CADM2: variants seen among roughly 807,000 people sequenced by gnomAD.
CADM2 encodes the protein cell adhesion molecule 2.
A neutral mutation model predicts 49.8 loss-of-function variants in CADM2; 12 were observed. That is an observed-to-expected ratio of 0.24 (90% CI 0.15 to 0.39). The LOEUF is 0.39. Ranked by LOEUF, CADM2 falls within the 10% of genes least tolerant of loss-of-function variation. The pLI is 1.00. For synonymous variants in CADM2, 214 were observed against 175.4 expected (o/e 1.22, Z -1.74); for missense variants, 378 against 492.3 (o/e 0.77, Z 2.20).
At chr3:85,014,950 T>C (rs2034187721) in intron 1 of CADM2, among the ~76,000 whole-genome samples, 2 of 152,168 alleles carry the variant, frequency 1.3e-5, no homozygotes, top group African/African-American at 4.8e-5. Context: ...TTATGCCTAC[T>C]TTCTAGAAAG....
chr3:84,990,621 TAC>T (rs1208937252), intron 1 of CADM2, among the ~76,000 whole-genome samples: 5 of 152,206 alleles, frequency 3.3e-5, no homozygotes, highest in Admixed American at 3.3e-4. Context: ...TAAATTAAAA[TAC>T]ATTTTTATAA....
At chr3:86,054,227 A>G (rs1045708818) in intron 8 of CADM2, among the ~76,000 whole-genome samples, 1 of 152,088 alleles carries the variant, frequency 6.6e-6, no homozygotes, top group African/African-American at 2.4e-5. Flanking sequence ...ACATATATTC[A>G]TTATTGTAAC....
At chr3:85,817,014 A>C (rs189280569) in intron 3 of CADM2, among the ~76,000 whole-genome samples, 1 of 152,342 alleles carries the variant, frequency 6.6e-6, no homozygotes, top group Admixed American at 6.5e-5. Context: ...TTGTGTGAGC[A>C]TGAAAATTAC....
At chr3:85,938,794 C>A (rs1354278982) in intron 7 of CADM2, among the ~76,000 whole-genome samples, 1 of 151,802 alleles carries the variant, frequency 6.6e-6, no homozygotes, top group Non-Finnish European at 1.5e-5. Context: ...TATAAGTAAG[C>A]ACTTAATTTT....
chr3:85,958,483 A>G (rs1289747017), intron 7 of CADM2, among the ~76,000 whole-genome samples: 1 of 151,962 alleles, frequency 6.6e-6, no homozygotes, highest in East Asian at 1.9e-4. Context: ...TTCTAATATA[A>G]AGACACAAAT....
intron 1 of CADM2, among the ~76,000 whole-genome samples, chr3:85,523,612 C>T (rs964162113): frequency 6.6e-6 from 1 of 151,898 alleles, no homozygotes; most frequent in African/African-American, 2.4e-5. Context: ...TCAATTACAA[C>T]AATCCTCAGT....
intron 8 of CADM2, among the ~76,000 whole-genome samples, chr3:86,023,689 C>T (rs1238835315): frequency 6.6e-6 from 1 of 152,080 alleles, no homozygotes; most frequent in African/African-American, 2.4e-5. Flanking sequence ...GAGAAGGATA[C>T]GTCTTTGCCT....
chr3:85,046,045 T>A (rs1286127642), intron 1 of CADM2, among the ~76,000 whole-genome samples: 2 of 152,102 alleles, frequency 1.3e-5, no homozygotes, highest in Non-Finnish European at 2.9e-5. Flanking sequence ...ATCTGCATTT[T>A]GATTGTATGT....
chr3:85,026,289 A>T (rs1255398442), intron 1 of CADM2, among the ~76,000 whole-genome samples: 5 of 152,190 alleles, frequency 3.3e-5, no homozygotes, highest in Non-Finnish European at 7.3e-5. Context: ...TTATATGTTC[A>T]AATTGTTACA....
chr3:85,508,348 C>G (rs2040450175), intron 1 of CADM2, among the ~76,000 whole-genome samples: 1 of 152,186 alleles, frequency 6.6e-6, no homozygotes, highest in Admixed American at 6.5e-5. Flanking sequence ...TTCCTGGTCT[C>G]TGTCTTATAC....
At chr3:85,943,176 G>C (rs865964678) in intron 7 of CADM2, among the ~76,000 whole-genome samples, 1 of 148,952 alleles carries the variant, frequency 6.7e-6, no homozygotes, top group Non-Finnish European at 1.5e-5. Context: ...ACTTTTTGAT[G>C]GGGTTGTTTG....
At chr3:85,477,243 AAC>A (rs139955724) in intron 1 of CADM2, among the ~76,000 whole-genome samples, 94 of 144,844 alleles carry the variant, frequency 6.5e-4, no homozygotes, top group South Asian at 5.8e-3. Flanking sequence ...GATTCCCTTA[AAC>A]ACACACACAC....
At chr3:85,104,977 C>T (rs565238699) in intron 1 of CADM2, among the ~76,000 whole-genome samples, 12 of 152,184 alleles carry the variant, frequency 7.9e-5, no homozygotes, top group African/African-American at 2.2e-4. Context: ...TGGGGTGAGA[C>T]GATGGGGTTT....
rs11425614 is a variant in CADM2, at chr3:85,890,692, C to CTT, written c.529+4374_529+4375dup. On this transcript the variant is annotated intron_variant, in intron 5 of 9. Coordinates refer to ENST00000383699, the MANE Select transcript of CADM2 (RefSeq NM_001167675.2). ...ATCAGTTCATGAAAAAAAAGAAAGACTTTTTTTTTTCTTTTTTTCATTACT... is the reference window on the plus strand; with the variant it reads ...ATCAGTTCATGAAAAAAAAGAAAGACTTTTTTTTTTTTCTTTTTTTCATTACT... Among the ~76,000 whole-genome samples, 30 of 149,634 alleles carry CTT rather than the reference C, an allele frequency of 2.0e-4. 1 individual carries two copies. The highest frequency in any genetic ancestry group is 6.4e-4 in the South Asian group (3 of 4,700).
At chr3:85,757,451 A>C (rs1004189697) in intron 2 of CADM2, among the ~76,000 whole-genome samples, 21 of 152,144 alleles carry the variant, frequency 1.4e-4, no homozygotes, top group Non-Finnish European at 1.5e-5. Context: ...TAACCTGGTC[A>C]CAGAAATAGA....
intron 1 of CADM2, among the ~76,000 whole-genome samples, chr3:85,672,926 G>C (rs2065783665): frequency 6.6e-6 from 1 of 152,228 alleles, no homozygotes; most frequent in Admixed American, 6.5e-5. Flanking sequence ...AGCAGAATGA[G>C]TGTAGAGTGA....
chr3:85,359,647 TA>T lies in CADM2; in HGVS notation c.62-366874del, dbSNP rs1183326356. On this transcript the variant is annotated intron_variant, in intron 1 of 9. Transcript: ENST00000383699. ...CCAGGCCAATGTCAGCATATATATATATATATATATATATATATATTTTTTT... is the reference window on the plus strand; with the variant it reads ...CCAGGCCAATGTCAGCATATATATATTATATATATATATATATATTTTTTT... Among the ~76,000 whole-genome samples, 7 of 13,384 alleles carry T rather than the reference TA, an allele frequency of 5.2e-4. 1 individual carries two copies. The highest frequency in any genetic ancestry group is 1.9e-3 in the Admixed American group (2 of 1,026). 8.8% of individuals were successfully genotyped at this position (13,384 alleles called of 152,430 possible).
At chr3:85,357,535 A>AT (rs1453056607) in intron 1 of CADM2, among the ~76,000 whole-genome samples, 5 of 152,076 alleles carry the variant, frequency 3.3e-5, no homozygotes, top group African/African-American at 7.2e-5. Flanking sequence ...TATCCATCTA[A>AT]TTGGAGAGCA....
intron 1 of CADM2, among the ~76,000 whole-genome samples, chr3:85,517,927 C>T (rs1421921336): frequency 6.6e-6 from 1 of 151,984 alleles, no homozygotes; most frequent in Non-Finnish European, 1.5e-5. Context: ...CATTTTTGTT[C>T]CTATGTGATA....
Sources: gnomAD v4.1 joint callset for allele counts (sites outside exome capture counted in the v4.1 genomes callset) on GRCh38, gnomAD v4.1.1 for gene constraint, MANE v1.5 for transcripts, NCBI Gene and HGNC (gene_info 2026-07-23, HGNC 2026-07-21) for gene names.